The following ADTRP variants were observed in gnomAD, a reference collection of about 807,000 sequenced individuals.
ADTRP encodes the protein androgen dependent TFPI regulating protein.
ADTRP carries 20 observed loss-of-function variants against 27.0 expected under a neutral mutation model. The ratio of observed to expected loss-of-function variants is 0.74; its 90% CI spans 0.52 to 1.08. The LOEUF (loss-of-function observed/expected upper bound fraction) is 1.08. ADTRP is among the 50% of genes least tolerant of loss of function. The pLI, the probability that ADTRP is intolerant of heterozygous loss-of-function variation, is 0.00. For missense variants in ADTRP, 251 were observed against 275.0 expected, an observed-to-expected ratio of 0.91 and a Z score of 0.62; for synonymous variants, 101 against 105.2, an observed-to-expected ratio of 0.96 and a Z score of 0.25.
At position 11,761,714 on chromosome 6, in the gene ADTRP, G is replaced by A. The variant is rs545272751; in HGVS notation, c.390+4560C>T. Among the ~76,000 whole-genome samples, 3 of 152,280 alleles carry A rather than the reference G, an allele frequency of 2.0e-5. No homozygotes were observed. In the South Asian group the frequency reaches 6.2e-4, roughly 32 times the overall value. The stretch of plus-strand genomic sequence containing the variant: ...TTCAAGTGTATGTTCAGTTATGTCA[G>A]GTGTTCTAGGTAAGAGGCCCATAAA... On this transcript the variant is annotated intron_variant, in intron 3 of 5. Coordinates refer to ENST00000414691, the MANE Select transcript of ADTRP (RefSeq NM_032744.4).
intron 1 of ADTRP, among the ~76,000 whole-genome samples, chr6:11,778,177 C>T (rs1399652882): frequency 6.6e-6 from 1 of 152,206 alleles, no homozygotes; most frequent in Non-Finnish European, 1.5e-5. Context: ...TCTGTGTGTG[C>T]TGTAAAATGG....
intron 4 of ADTRP, among the ~76,000 whole-genome samples, chr6:11,724,080 A>AACAAACAG: frequency 6.6e-6 from 1 of 151,316 alleles, no homozygotes; most frequent in African/African-American, 2.4e-5. Flanking sequence ...CAAACAAACA[A>AACAAACAG]ACAAACAAAC....
At chr6:11,752,433 C>G (rs1487918606) in intron 3 of ADTRP, among the ~76,000 whole-genome samples, 3 of 151,982 alleles carry the variant, frequency 2.0e-5, no homozygotes, top group African/African-American at 7.3e-5. Context: ...CATGGATCAA[C>G]AGGGTTCACT....
intron 5 of ADTRP, among the ~76,000 whole-genome samples, chr6:11,721,650 G>A (rs1762027714): frequency 6.6e-6 from 1 of 152,064 alleles, no homozygotes; most frequent in Non-Finnish European, 1.5e-5. Context: ...GACCTCGAGA[G>A]GTAAGTACAG....
intron 3 of ADTRP, among the ~76,000 whole-genome samples, chr6:11,739,245 AG>A (rs1335577648): frequency 6.6e-6 from 1 of 152,230 alleles, no homozygotes; most frequent in Non-Finnish European, 1.5e-5. Context: ...ATTATCTCAG[AG>A]GGGGTAAAAT....
chr6:11,714,603 G>T (rs1370313432), intron 5 of ADTRP, 91 bp from the exon 6 acceptor site: 7 of 1,454,998 alleles, frequency 4.8e-6, no homozygotes, highest in South Asian at 1.3e-5. Context: ...CTGACTTGGG[G>T]CAGTGGAAAG....
At chr6:11,732,164 A>G (rs992619629) in intron 4 of ADTRP, among the ~76,000 whole-genome samples, 5 of 152,208 alleles carry the variant, frequency 3.3e-5, no homozygotes, top group African/African-American at 1.2e-4. Flanking sequence ...CAATCTGAAA[A>G]ATAACTAAAA....
chr6:11,759,168 C>G (rs534555900), intron 3 of ADTRP, among the ~76,000 whole-genome samples: 2 of 152,206 alleles, frequency 1.3e-5, no homozygotes, highest in East Asian at 3.9e-4. Context: ...TTTGTTGGGC[C>G]CCTTGGAAGA....
At chr6:11,743,203 T>C (rs973858592) in intron 3 of ADTRP, among the ~76,000 whole-genome samples, 1 of 152,218 alleles carries the variant, frequency 6.6e-6, no homozygotes, top group African/African-American at 2.4e-5. Context: ...TGTGTTTTTT[T>C]CCCCTTCCTT....
chr6:11,762,082 T>C (rs1203961859), intron 3 of ADTRP, among the ~76,000 whole-genome samples: 1 of 152,220 alleles, frequency 6.6e-6, no homozygotes, highest in Non-Finnish European at 1.5e-5. Flanking sequence ...AGAATGCTAA[T>C]GATATCATCT....
At position 11,735,663 on chromosome 6, in the gene ADTRP, G is replaced by A. The variant is rs753254472; in HGVS notation, c.411C>T (p.Ile137=). The A allele has an allele frequency of 3.7e-6, 6 of 1,613,602 alleles. No homozygotes were observed. In the East Asian group the frequency reaches 1.3e-4, roughly 36 times the overall value. ...GCCTGAGGACGACTTCAGCCAATGT[G>A]ATGGGGAATATGAAAGTGTGCTGCA... is the stretch of plus-strand genomic sequence containing the variant. ...NHAMHTFIFP[I]TLAEVVLRPH... Residue 137 remains isoleucine, a synonymous_variant, in exon 4 of 6, where the codon ATC becomes ATT. Transcript: ENST00000414691.
At chr6:11,716,427 C>T (rs1761826000) in intron 5 of ADTRP, among the ~76,000 whole-genome samples, 1 of 152,100 alleles carries the variant, frequency 6.6e-6, no homozygotes, top group Admixed American at 6.5e-5. Flanking sequence ...GATTAGAGTC[C>T]TCTGTCCAAA....
At chr6:11,750,977 A>T (rs1763027209) in intron 3 of ADTRP, among the ~76,000 whole-genome samples, 1 of 152,162 alleles carries the variant, frequency 6.6e-6, no homozygotes, top group Non-Finnish European at 1.5e-5. Context: ...TCAAGCTCTC[A>T]AGTAGCTGAG....
At chr6:11,775,316 G>A (rs1032904275) in intron 1 of ADTRP, among the ~76,000 whole-genome samples, 4 of 152,080 alleles carry the variant, frequency 2.6e-5, no homozygotes, top group Non-Finnish European at 4.4e-5. Flanking sequence ...CCCTGCTGAC[G>A]CCATTCTGAG....
intron 4 of ADTRP, among the ~76,000 whole-genome samples, chr6:11,730,061 T>C (rs1762337546): frequency 6.6e-6 from 1 of 152,178 alleles, no homozygotes; most frequent in Non-Finnish European, 1.5e-5. Context: ...GTTACAGGCA[T>C]TTTGGTTGAA....
chr6:11,778,781 C>A lies in ADTRP; in HGVS notation c.-22G>T. ...TCATGGCGAGTGCTGACCGGGGCAC[C>A]GTGAATGTCTTGAGTACTTTCTGGC... On this transcript the variant is annotated 5_prime_UTR_variant, in exon 1 of 6. Transcript: ENST00000414691. 1.2e-6 allele frequency: 2 copies of A among 1,610,004 alleles called. No homozygotes were observed. The highest frequency in any genetic ancestry group is 2.7e-5 in the African/African-American group (2 of 74,932).
chr6:11,765,344 T>TTTC (rs1763533620), intron 3 of ADTRP, among the ~76,000 whole-genome samples: 1 of 137,480 alleles, frequency 7.3e-6, no homozygotes, highest in Non-Finnish European at 1.6e-5. Context: ...TTTTTTTTTT[T>TTTC]GAGGCAGAGT....
chr6:11,776,881 CCA>C (rs1216880040), intron 1 of ADTRP, among the ~76,000 whole-genome samples: 1 of 152,242 alleles, frequency 6.6e-6, no homozygotes, highest in East Asian at 1.9e-4. Context: ...GAGCGGCAGG[CCA>C]CACTTTTAGA....
chr6:11,748,587 T>C (rs140042827), intron 3 of ADTRP, among the ~76,000 whole-genome samples: 1 of 152,176 alleles, frequency 6.6e-6, no homozygotes, highest in East Asian at 1.9e-4. Flanking sequence ...CAGATACCAA[T>C]CACAATATGT....
Sources: gnomAD v4.1 joint callset for allele counts (sites outside exome capture counted in the v4.1 genomes callset) on GRCh38, gnomAD v4.1.1 for gene constraint, MANE v1.5 for transcripts, NCBI Gene and HGNC (gene_info 2026-07-23, HGNC 2026-07-21) for gene names.